DAAM1: variants seen among roughly 807,000 people sequenced by gnomAD.
DAAM1 encodes disheveled-associated activator of morphogenesis 1.
A neutral mutation model predicts 130.0 loss-of-function variants in DAAM1; 52 were observed. That is an observed-to-expected ratio of 0.40 (90% CI 0.32 to 0.50). The LOEUF (loss-of-function observed/expected upper bound fraction) is 0.50. Among genes scored for constraint, DAAM1 ranks in the 20% least tolerant of loss-of-function variants. DAAM1 has a pLI of 0.61. For synonymous variants in DAAM1, 452 were observed against 444.5 expected, an observed-to-expected ratio of 1.02 and a Z score of -0.21; for missense variants, 1,134 against 1,303.8, an observed-to-expected ratio of 0.87 and a Z score of 2.01.
chr14:59,214,931 A>G (rs1199107666), intron 1 of DAAM1, among the ~76,000 whole-genome samples: 1 of 152,234 alleles, frequency 6.6e-6, no homozygotes, highest in Non-Finnish European at 1.5e-5. Flanking sequence ...GGTTTTCTAA[A>G]GTGACTGCAC....
Position 59,279,181 on chromosome 14 carries a change from C to T in DAAM1, c.184-12036C>T, listed in dbSNP as rs1594796190. 1.3e-5 allele frequency among the ~76,000 whole-genome samples: 2 copies of T among 152,196 alleles called. 1 individual carries two copies. The highest frequency in any genetic ancestry group is 3.9e-4 in the East Asian group (2 of 5,176). ...CATAGTTTATAACACTTCCAGCATC[C>T]CATCTCCCCTTGTGCCCATTTGCAG... On this transcript the variant is annotated intron_variant, in intron 2 of 24. Transcript: ENST00000360909.
At chr14:59,285,947 C>T (rs551452184) in intron 2 of DAAM1, among the ~76,000 whole-genome samples, 2 of 152,242 alleles carry the variant, frequency 1.3e-5, no homozygotes, top group Admixed American at 1.3e-4. Context: ...CAGAACACTC[C>T]ATCCAACAAC....
At chr14:59,222,413 C>G (rs1341627338) in intron 1 of DAAM1, among the ~76,000 whole-genome samples, 1 of 152,194 alleles carries the variant, frequency 6.6e-6, no homozygotes, top group Admixed American at 6.5e-5. Flanking sequence ...CCAGTGTAAT[C>G]AACCTGCCAC....
chr14:59,354,881 C>T (rs1322938473), intron 19 of DAAM1, among the ~76,000 whole-genome samples: 3 of 152,174 alleles, frequency 2.0e-5, no homozygotes, highest in Non-Finnish European at 4.4e-5. Context: ...CTAGATATTC[C>T]TCAGTGCTTA....
chr14:59,294,687 A>G (rs1883885277), intron 3 of DAAM1, among the ~76,000 whole-genome samples: 1 of 152,090 alleles, frequency 6.6e-6, no homozygotes, highest in African/African-American at 2.4e-5. Flanking sequence ...TTTAGTTCCA[A>G]TCACAACATA....
chr14:59,200,652 A>G (rs745379183), intron 1 of DAAM1, among the ~76,000 whole-genome samples: 2 of 152,240 alleles, frequency 1.3e-5, no homozygotes, highest in Non-Finnish European at 2.9e-5. Flanking sequence ...TGCTTAAGGA[A>G]GCATATATTT....
chr14:59,316,760 C>T (rs1452667012), intron 4 of DAAM1, among the ~76,000 whole-genome samples: 4 of 152,164 alleles, frequency 2.6e-5, no homozygotes, highest in Non-Finnish European at 5.9e-5. Context: ...TTTCTGAATT[C>T]TTGTTCCTGG....
chr14:59,236,905 T>TC (rs1889322438), intron 1 of DAAM1, among the ~76,000 whole-genome samples: 1 of 152,182 alleles, frequency 6.6e-6, no homozygotes. Context: ...GCAATTTTTT[T>TC]CTGTAAGGGG....
At chr14:59,343,761 C>T (rs1280150089) in intron 16 of DAAM1, among the ~76,000 whole-genome samples, 1 of 152,180 alleles carries the variant, frequency 6.6e-6, no homozygotes, top group Non-Finnish European at 1.5e-5. Flanking sequence ...GAGGAGGTGC[C>T]AGCACTCCCC....
chr14:59,201,548 G>A (rs1888104754), intron 1 of DAAM1, among the ~76,000 whole-genome samples: 1 of 151,478 alleles, frequency 6.6e-6, no homozygotes. Flanking sequence ...CCTGGGAGGT[G>A]GAGGTTGCAG....
intron 1 of DAAM1, among the ~76,000 whole-genome samples, chr14:59,262,903 A>T (rs769091802): frequency 6.6e-6 from 1 of 152,148 alleles, no homozygotes; most frequent in Non-Finnish European, 1.5e-5. Flanking sequence ...GCTTCCCCTC[A>T]CTTCAGTTAC....
chr14:59,206,489 A>G (rs1479697834), intron 1 of DAAM1, among the ~76,000 whole-genome samples: 1 of 151,992 alleles, frequency 6.6e-6, no homozygotes, highest in Non-Finnish European at 1.5e-5. Flanking sequence ...GTTAGCCAGG[A>G]TGGTCTTGAT....
In DAAM1 at chr14:59,368,923, C is replaced by T; in HGVS notation, c.*64C>T. Reference sequence around the variant, plus strand: ...GCCCTCTAAAGTGACTAGAACGTTTCATTACACTGCCTTGCAATCCAAACA... The same window carrying T: ...GCCCTCTAAAGTGACTAGAACGTTTTATTACACTGCCTTGCAATCCAAACA... On this transcript the variant is annotated 3_prime_UTR_variant, in exon 25 of 25. Transcript: ENST00000360909. The T allele has an allele frequency of 6.8e-7, 1 of 1,469,730 alleles. No individual in the cohort carries two copies. Among genetic ancestry groups the T allele is most frequent in the Non-Finnish European group, 9.3e-7 (1 of 1,080,618 alleles). The allele number at this position is 1,469,730 out of a possible 1,614,324, so 91.0% of individuals were successfully genotyped here.
chr14:59,195,190 C>T (rs1037960051), intron 1 of DAAM1, among the ~76,000 whole-genome samples: 6 of 135,548 alleles, frequency 4.4e-5, no homozygotes, highest in Non-Finnish European at 9.1e-5. Context: ...GTCGCCCAGG[C>T]TGGAGTGCAG....
At chr14:59,221,098 C>CAT (rs1442040402) in intron 1 of DAAM1, among the ~76,000 whole-genome samples, 9 of 152,160 alleles carry the variant, frequency 5.9e-5, no homozygotes, top group African/African-American at 2.2e-4. Context: ...ATGACAAGGT[C>CAT]ATAATTCCAC....
In DAAM1 at chr14:59,366,999, A is replaced by C. The variant is rs533506512; in HGVS notation, c.2827-430A>C. Among the ~76,000 whole-genome samples, 9 of 152,166 alleles carry C rather than the reference A, an allele frequency of 5.9e-5. No homozygotes were observed. In the East Asian group the frequency reaches 1.5e-3, roughly 26 times the overall value. ...CCCATCTCTTAAAACAAAACAACAAAAAAAAACTGCCGGGTGTGGTGGCTG... is the reference window on the plus strand; with the variant it reads ...CCCATCTCTTAAAACAAAACAACAACAAAAAACTGCCGGGTGTGGTGGCTG... On this transcript the variant is annotated intron_variant, in intron 23 of 24. Coordinates refer to ENST00000360909, the MANE Select transcript of DAAM1 (RefSeq NM_001270520.2).
chr14:59,254,263 A>G (rs1260012570), intron 1 of DAAM1, among the ~76,000 whole-genome samples: 5 of 152,146 alleles, frequency 3.3e-5, no homozygotes, highest in African/African-American at 9.7e-5. Flanking sequence ...ATTCTTTTCC[A>G]TGACTGCTGG....
At chr14:59,230,178 C>A (rs943808031) in intron 1 of DAAM1, among the ~76,000 whole-genome samples, 2 of 152,126 alleles carry the variant, frequency 1.3e-5, no homozygotes, top group Non-Finnish European at 2.9e-5. Context: ...AAATGGGTCC[C>A]CTCAGGTGGC....
intron 15 of DAAM1, among the ~76,000 whole-genome samples, 166 bp from the exon 16 acceptor site, chr14:59,339,908 C>A (rs1885777653): frequency 6.6e-6 from 1 of 152,158 alleles, no homozygotes; most frequent in African/African-American, 2.4e-5. Flanking sequence ...AGACTGTAGC[C>A]TTTGTTTCAA....
Sources: gnomAD v4.1 joint callset for allele counts (sites outside exome capture counted in the v4.1 genomes callset) on GRCh38, gnomAD v4.1.1 for gene constraint, MANE v1.5 for transcripts, NCBI Gene and HGNC (gene_info 2026-07-23, HGNC 2026-07-21) for gene names.